The following MAGI2 variants were observed in gnomAD, a reference collection of about 807,000 sequenced individuals.
MAGI2 encodes the protein membrane-associated guanylate kinase, WW and PDZ domain-containing protein 2.
MAGI2 carries 35 observed loss-of-function variants against 133.3 expected under a neutral mutation model. The observed-to-expected ratio is 0.26, with a 90% CI of 0.20 to 0.35. The LOEUF is 0.35. MAGI2 is among the 10% of genes least tolerant of loss of function. The pLI is 1.00. For synonymous variants in MAGI2, 729 were observed against 710.6 expected, an observed-to-expected ratio of 1.03 and a Z score of -0.41; for missense variants, 1,636 against 1,863.4, an observed-to-expected ratio of 0.88 and a Z score of 2.25.
intron 3 of MAGI2, among the ~76,000 whole-genome samples, chr7:78,565,605 G>A (rs961384798): frequency 2.6e-5 from 4 of 151,856 alleles, no homozygotes; most frequent in South Asian, 2.1e-4. Flanking sequence ...ATTAAAACAC[G>A]TAAGATTAAA....
intron 1 of MAGI2, among the ~76,000 whole-genome samples, chr7:79,359,688 AC>A (rs1842258035): frequency 6.6e-6 from 1 of 150,860 alleles, no homozygotes; most frequent in African/African-American, 2.4e-5. Context: ...ACACACACAC[AC>A]ACACACACAC....
chr7:78,984,700 C>T (rs559899225), intron 2 of MAGI2, among the ~76,000 whole-genome samples: 1 of 152,008 alleles, frequency 6.6e-6, no homozygotes, highest in South Asian at 2.1e-4. Flanking sequence ...CATCCACACC[C>T]ACACTACCCC....
chr7:79,339,868 G>T (rs1020497979), intron 1 of MAGI2, among the ~76,000 whole-genome samples: 1 of 151,990 alleles, frequency 6.6e-6, no homozygotes, highest in Non-Finnish European at 1.5e-5. Flanking sequence ...GAAATCAAAC[G>T]CCAGCCTGAG....
chr7:78,545,024 C>G (rs1798707324), intron 3 of MAGI2, among the ~76,000 whole-genome samples: 1 of 151,182 alleles, frequency 6.6e-6, no homozygotes. Context: ...ACTTATAAAA[C>G]TGCCTGCCTA....
rs528722222 is a variant in MAGI2 at position 78,018,254 on chromosome 7, T to C, written c.*1061A>G. The C allele has an allele frequency of 1.3e-5, 2 of 152,734 alleles. No individual in the cohort carries two copies. The highest frequency in any genetic ancestry group is 2.4e-5 in the African/African-American group (1 of 41,580). 9.5% of individuals were successfully genotyped at this position (152,734 alleles called of 1,614,324 possible). ...ACGTTCTTTAATGAAAATAAATTGATTGTAATTTTTTAATATTATAATCTG... is the reference window on the plus strand; with the variant it reads ...ACGTTCTTTAATGAAAATAAATTGACTGTAATTTTTTAATATTATAATCTG... On this transcript the variant is annotated 3_prime_UTR_variant, in exon 22 of 22. Coordinates refer to ENST00000354212, the MANE Select transcript of MAGI2 (RefSeq NM_012301.4).
chr7:79,098,914 G>A (rs1485595431), intron 1 of MAGI2, among the ~76,000 whole-genome samples: 1 of 151,624 alleles, frequency 6.6e-6, no homozygotes, highest in Non-Finnish European at 1.5e-5. Context: ...CAAAGTTGCT[G>A]GCTTCTAATA....
chr7:78,449,918 T>C (rs946340664), intron 6 of MAGI2, among the ~76,000 whole-genome samples: 1 of 152,106 alleles, frequency 6.6e-6, no homozygotes, highest in African/African-American at 2.4e-5. Flanking sequence ...TCATCCCTCA[T>C]AGCATATTTT....
intron 20 of MAGI2, among the ~76,000 whole-genome samples, chr7:78,122,866 T>A (rs928914841): frequency 3.9e-5 from 6 of 152,174 alleles, no homozygotes; most frequent in Non-Finnish European, 5.9e-5. Flanking sequence ...TGTTTTCTAT[T>A]TAGTTTTGGC....
At chr7:79,153,403 T>C (rs551672345) in intron 1 of MAGI2, among the ~76,000 whole-genome samples, 1 of 152,302 alleles carries the variant, frequency 6.6e-6, no homozygotes, top group African/African-American at 2.4e-5. Context: ...AAAATAGTTT[T>C]ACAAATAGAT....
chr7:78,470,406 C>T (rs1216427225), intron 6 of MAGI2, among the ~76,000 whole-genome samples: 1 of 152,054 alleles, frequency 6.6e-6, no homozygotes, highest in East Asian at 1.9e-4. Flanking sequence ...TTGGTTGGAA[C>T]ATTTTAATAT....
In MAGI2 at chr7:79,022,344, A is replaced by C. The variant is rs184227976; in HGVS notation, c.302-15138T>G. 1.8e-3 allele frequency among the ~76,000 whole-genome samples: 272 copies of C among 152,294 alleles called. 1 individual carries two copies. Among genetic ancestry groups the C allele is most frequent in the African/African-American group, 6.2e-3 (258 of 41,566 alleles). ...TTGAAACTAATGAGAAAAAAATACC[A>C]CATACCAGAATCTCTGAGATACATC... On this transcript the variant is annotated intron_variant, in intron 1 of 21. Transcript: ENST00000354212.
chr7:78,798,603 C>T (rs556952930), intron 2 of MAGI2, among the ~76,000 whole-genome samples: 3 of 152,130 alleles, frequency 2.0e-5, no homozygotes, highest in Non-Finnish European at 2.9e-5. Context: ...CTTTGGGAAC[C>T]GGGCTTCAAT....
chr7:78,342,032 A>T (rs1790432260), intron 9 of MAGI2, among the ~76,000 whole-genome samples: 1 of 152,176 alleles, frequency 6.6e-6, no homozygotes, highest in Non-Finnish European at 1.5e-5. Context: ...CAACCTACAG[A>T]ATGGGAGAAA....
chr7:78,997,775 C>T (rs1806460520), intron 2 of MAGI2, among the ~76,000 whole-genome samples: 1 of 152,066 alleles, frequency 6.6e-6, no homozygotes, highest in Non-Finnish European at 1.5e-5. Flanking sequence ...TTGATTTAGC[C>T]TCCCTTTAGC....
At chr7:78,097,906 T>A (rs1403974057) in intron 20 of MAGI2, among the ~76,000 whole-genome samples, 5 of 152,188 alleles carry the variant, frequency 3.3e-5, no homozygotes, top group Admixed American at 3.3e-4. Context: ...ACTTGTGCAC[T>A]AATAGACCTG....
chr7:78,761,145 T>A (rs1302392394), intron 2 of MAGI2, among the ~76,000 whole-genome samples: 1 of 152,224 alleles, frequency 6.6e-6, no homozygotes, highest in Admixed American at 6.5e-5. Flanking sequence ...TGGTCTATCC[T>A]GTTACACCTC....
chr7:78,262,937 T>C (rs1319173539), intron 9 of MAGI2, among the ~76,000 whole-genome samples: 2 of 152,162 alleles, frequency 1.3e-5, no homozygotes, highest in African/African-American at 4.8e-5. Context: ...GTAGTAAGCA[T>C]AGTGCCCAAT....
intron 21 of MAGI2, among the ~76,000 whole-genome samples, chr7:78,065,223 A>T (rs1184103269): frequency 6.6e-6 from 1 of 152,178 alleles, no homozygotes; most frequent in Non-Finnish European, 1.5e-5. Context: ...AGCTGTCTAT[A>T]CTTTGGCTGA....
intron 2 of MAGI2, among the ~76,000 whole-genome samples, chr7:78,838,538 C>G (rs1428338363): frequency 4.0e-5 from 5 of 123,972 alleles, no homozygotes; most frequent in Admixed American, 8.2e-5. Flanking sequence ...GTGTGTGTGT[C>G]AGATTTCTAA....
Sources: allele counts gnomAD v4.1 joint callset (sites outside exome capture counted in the v4.1 genomes callset), GRCh38; gene constraint gnomAD v4.1.1; transcripts MANE v1.5; gene names NCBI Gene and HGNC (gene_info 2026-07-23, HGNC 2026-07-21).